HCFC2: variants seen among roughly 807,000 people sequenced by gnomAD.
HCFC2 encodes the protein host cell factor C2.
HCFC2 carries 18 observed loss-of-function variants against 89.2 expected under a neutral mutation model. The ratio of observed to expected loss-of-function variants is 0.20; its 90% CI spans 0.14 to 0.30. HCFC2 has a LOEUF of 0.30. HCFC2 is among the 10% of genes least tolerant of loss of function. The pLI is 1.00. For synonymous variants in HCFC2, 308 were observed against 335.7 expected (o/e 0.92, Z 0.90); for missense variants, 578 against 956.1 (o/e 0.60, Z 5.21).
At chr12:104,094,114 C>T (rs1202600064) in intron 10 of HCFC2, among the ~76,000 whole-genome samples, 2 of 152,166 alleles carry the variant, frequency 1.3e-5, no homozygotes, top group African/African-American at 4.8e-5. Context: ...GGAGCAAGAA[C>T]AGATTTTGGA....
chr12:104,064,791 C>A lies in HCFC2; in HGVS notation c.163+68C>A. On this transcript the variant is annotated intron_variant, in intron 1 of 14. Transcript: ENST00000229330. The surrounding 1 kb of genome is among the most constrained non-coding windows in gnomAD (Gnocchi z 7.3). ...CGGAGGGGGAGGGGAGGCGAGGCGG[C>A]GGCCGCGGCCCTGACAGCTGTCACC... The A allele has an allele frequency of 3.5e-6, 5 of 1,429,156 alleles. No homozygotes were observed. Among genetic ancestry groups the A allele is most frequent in the Middle Eastern group, 2.2e-4 (1 of 4,560 alleles). The allele number at this position is 1,429,156 out of a possible 1,614,324, so 88.5% of individuals were successfully genotyped here. A position where few individuals can be genotyped will look rare whatever the true frequency, so the allele number is the denominator to read the frequency against.
At chr12:104,075,128 G>C (rs1593594335) in intron 3 of HCFC2, among the ~76,000 whole-genome samples, 1 of 151,500 alleles carries the variant, frequency 6.6e-6, no homozygotes, top group East Asian at 1.9e-4. Context: ...TCTGAGGCAG[G>C]AGGATCATCT....
chr12:104,072,584 AT>A (rs1250400344), intron 3 of HCFC2, among the ~76,000 whole-genome samples: 1 of 151,028 alleles, frequency 6.6e-6, no homozygotes, highest in African/African-American at 2.4e-5. Context: ...GCTCTTTCTA[AT>A]TTTGGTAAAT....
chr12:104,069,381 A>G (rs575701314), intron 3 of HCFC2, among the ~76,000 whole-genome samples: 1 of 152,222 alleles, frequency 6.6e-6, no homozygotes, highest in Non-Finnish European at 1.5e-5. Flanking sequence ...CATGTTGTAC[A>G]TTAGATCTCT....
intron 3 of HCFC2, among the ~76,000 whole-genome samples, chr12:104,071,081 C>T (rs1009961762): frequency 1.3e-5 from 2 of 152,150 alleles, no homozygotes; most frequent in Admixed American, 1.3e-4. Context: ...GCTGGGATTA[C>T]AGGCTTGAGC....
intron 9 of HCFC2, among the ~76,000 whole-genome samples, chr12:104,089,599 A>G (rs1034551608): frequency 6.6e-6 from 1 of 152,210 alleles, no homozygotes; most frequent in Non-Finnish European, 1.5e-5. Context: ...TTTTAGATCA[A>G]TTGTCTTCAA....
chr12:104,071,988 G>A (rs748687600), intron 3 of HCFC2, among the ~76,000 whole-genome samples: 7 of 152,072 alleles, frequency 4.6e-5, no homozygotes, highest in East Asian at 1.9e-4. Context: ...TATTGTGCCC[G>A]TTTTGAAATT....
At position 104,067,929 on chromosome 12, in the gene HCFC2, T is replaced by G. The variant is rs536351820; in HGVS notation, c.313-18T>G. 507 of 1,572,636 alleles carry G rather than the reference T, an allele frequency of 3.2e-4. No individual in the cohort carries two copies. The highest frequency in any genetic ancestry group is 3.7e-4 in the Non-Finnish European group (435 of 1,166,864). Reference sequence around the variant, plus strand: ...TCTTGATTTTGTCTGACTGTATTTGTGCCCTTTTTTTTTTTAGGCAAGTCG... The same window carrying G: ...TCTTGATTTTGTCTGACTGTATTTGGGCCCTTTTTTTTTTTAGGCAAGTCG... On this transcript the variant is annotated intron_variant, in intron 2 of 14. Coordinates refer to ENST00000229330, the MANE Select transcript of HCFC2 (RefSeq NM_013320.3).
Position 104,095,699 on chromosome 12 carries a change from AAG to A in HCFC2, c.1666+139_1666+140del. 1.5e-6 allele frequency: 1 copy of A among 659,148 alleles called. No homozygotes were observed. The highest frequency in any genetic ancestry group is 2.5e-6 in the Non-Finnish European group (1 of 392,592). The allele number at this position is 659,148 out of a possible 1,614,324, so 40.8% of individuals were successfully genotyped here. ...TCATTTTAACTTAATTTCTGTGAGC[AAG>A]AGTTTTCATTTGACCTAAATTTAAC... On this transcript the variant is annotated intron_variant, in intron 11 of 14. Transcript: ENST00000229330. This position sits in a 1 kb window ranked among gnomAD's most constrained non-coding sequence, Gnocchi z 4.2.
chr12:104,083,052 T>A, intron 7 of HCFC2, 151 bp downstream of exon 7: 1 of 584,520 alleles, frequency 1.7e-6, no homozygotes, highest in South Asian at 2.4e-5. Context: ...TCTCCACTCC[T>A]GAGAAGTATA....
chr12:104,089,044 CCCCCCACAGT>C (rs993752949), intron 9 of HCFC2, among the ~76,000 whole-genome samples: 1 of 152,056 alleles, frequency 6.6e-6, no homozygotes, highest in Non-Finnish European at 1.5e-5. Context: ...TCAGGACCCA[CCCCCCACAGT>C]CCCCTCGATA....
chr12:104,097,566 A>T (rs1208224684), intron 12 of HCFC2: 1 of 584,886 alleles, frequency 1.7e-6, no homozygotes, highest in African/African-American at 2.0e-5. Flanking sequence ...AAATATTAAA[A>T]AAATGTGAAT....
intron 5 of HCFC2, among the ~76,000 whole-genome samples, chr12:104,082,119 C>T (rs1006938392): frequency 6.6e-6 from 1 of 152,108 alleles, no homozygotes; most frequent in Non-Finnish European, 1.5e-5. Flanking sequence ...AAATTTAATC[C>T]TCTTCGGTTA....
chr12:104,076,977 C>T (rs921941607), intron 3 of HCFC2, among the ~76,000 whole-genome samples: 3 of 151,878 alleles, frequency 2.0e-5, no homozygotes, highest in Non-Finnish European at 2.9e-5. Context: ...TATGTGTGTT[C>T]GTGTACGTGC....
chr12:104,093,350 A>C (rs1397765616), intron 9 of HCFC2, 36 bp from the exon 10 acceptor site: 3 of 1,427,438 alleles, frequency 2.1e-6, no homozygotes, highest in Non-Finnish European at 2.9e-6. Context: ...TTCATTGAAT[A>C]TTGCTTACTA....
intron 9 of HCFC2, among the ~76,000 whole-genome samples, chr12:104,089,418 A>G (rs1442105624): frequency 6.6e-6 from 1 of 152,146 alleles, no homozygotes; most frequent in African/African-American, 2.4e-5. Context: ...TGGGAGGCTG[A>G]GGCAGGAGAA....
At chr12:104,102,312 T>C (rs2029963626) in intron 14 of HCFC2, among the ~76,000 whole-genome samples, 159 bp downstream of exon 14, 1 of 152,230 alleles carries the variant, frequency 6.6e-6, no homozygotes. Context: ...AGCTAATCAT[T>C]CATTTTTTTT....
chr12:104,086,792 G>T, intron 7 of HCFC2, 55 bp from the exon 8 acceptor site: 1 of 1,505,352 alleles, frequency 6.6e-7, no homozygotes, highest in Non-Finnish European at 9.2e-7. Flanking sequence ...AATTATATCA[G>T]CAAACCATTT....
intron 3 of HCFC2, among the ~76,000 whole-genome samples, chr12:104,071,358 T>A (rs1202557581): frequency 6.6e-6 from 1 of 152,252 alleles, no homozygotes; most frequent in East Asian, 1.9e-4. Flanking sequence ...GGCAAGCTTC[T>A]CAAGGGTATT....
Sources: gnomAD v4.1 joint callset for allele counts (sites outside exome capture counted in the v4.1 genomes callset) on GRCh38, gnomAD v4.1.1 for gene constraint, Gnocchi (gnomAD v3.1) non-coding constraint, MANE v1.5 for transcripts, NCBI Gene and HGNC (gene_info 2026-07-23, HGNC 2026-07-21) for gene names.